ADAMTS16: variants seen among roughly 807,000 people sequenced by gnomAD.
The protein encoded by ADAMTS16 is A disintegrin and metalloproteinase with thrombospondin motifs 16.
Under a neutral mutation model 145.8 loss-of-function variants are expected in ADAMTS16, and 94 were observed. The ratio of observed to expected loss-of-function variants is 0.64; its 90% CI spans 0.55 to 0.77. The LOEUF (loss-of-function observed/expected upper bound fraction) is 0.77. Among genes scored for constraint, ADAMTS16 ranks in the 30% least tolerant of loss-of-function variants. The pLI, the probability that ADAMTS16 is intolerant of heterozygous loss-of-function variation, is 0.00. For missense variants in ADAMTS16, 1,585 were observed against 1,591.5 expected (o/e 1.00, Z 0.07); for synonymous variants, 659 against 604.3 (o/e 1.09, Z -1.33).
rs184605142 is a variant in ADAMTS16, at chr5:5,194,023, G to C, written c.1313+2233G>C. Among the ~76,000 whole-genome samples, 400 of 152,152 alleles carry C rather than the reference G, an allele frequency of 2.6e-3. 4 individuals are homozygous for C. Among genetic ancestry groups the C allele is most frequent in the African/African-American group, 8.9e-3 (370 of 41,494 alleles). On this transcript the variant is annotated intron_variant, in intron 8 of 22. Transcript: ENST00000274181. Reference sequence around the variant, plus strand: ...AGGCTGAGGTGGGAGAATCGCCTGAGCCCAGGAAGTCGAGGCTGCAGTCAG... The same window carrying C: ...AGGCTGAGGTGGGAGAATCGCCTGACCCCAGGAAGTCGAGGCTGCAGTCAG...
intron 10 of ADAMTS16, 59 bp from the exon 11 acceptor site, chr5:5,222,730 A>G: frequency 7.3e-7 from 1 of 1,368,324 alleles, no homozygotes; most frequent in East Asian, 2.3e-5. Context: ...TGATATTTTT[A>G]TTATAGATGA....
intron 13 of ADAMTS16, among the ~76,000 whole-genome samples, chr5:5,236,279 T>A (rs1439824160): frequency 6.7e-6 from 1 of 149,184 alleles, no homozygotes; most frequent in African/African-American, 2.5e-5. Flanking sequence ...AGATGAAATT[T>A]TCATCATTAA....
chr5:5,183,155 G>A (rs114415165), intron 4 of ADAMTS16, among the ~76,000 whole-genome samples: 47 of 152,244 alleles, frequency 3.1e-4, no homozygotes, highest in African/African-American at 1.0e-3. Context: ...AACCCCTTTC[G>A]TCCTACCCCT....
intron 3 of ADAMTS16, among the ~76,000 whole-genome samples, chr5:5,179,279 AC>A (rs1560936246): frequency 1.3e-5 from 2 of 151,640 alleles, no homozygotes; most frequent in Admixed American, 1.3e-4. Context: ...GTCCGCTGCA[AC>A]CTGCAGGGGA....
intron 17 of ADAMTS16, among the ~76,000 whole-genome samples, chr5:5,250,274 G>A (rs1424001875): frequency 1.3e-5 from 2 of 152,156 alleles, no homozygotes; most frequent in Non-Finnish European, 2.9e-5. Flanking sequence ...AGAAAAGCAA[G>A]AGTTTGAGAG....
chr5:5,311,309 A>C (rs1311985949), intron 21 of ADAMTS16, among the ~76,000 whole-genome samples: 12 of 145,748 alleles, frequency 8.2e-5, no homozygotes, highest in African/African-American at 2.4e-4. Flanking sequence ...GCAAAAAAAA[A>C]AAAAAAAACA....
At chr5:5,218,269 C>T (rs1326946881) in intron 10 of ADAMTS16, among the ~76,000 whole-genome samples, 1 of 152,088 alleles carries the variant, frequency 6.6e-6, no homozygotes, top group African/African-American at 2.4e-5. Context: ...AATGGTTGCA[C>T]ATATTTATGG....
rs1445280518 is a variant in ADAMTS16, at chr5:5,209,197, AGT to A, written c.1558_1559del (p.Trp520AlafsTer14). On this transcript the variant is annotated frameshift_variant, in exon 10 of 23. Coordinates refer to ENST00000274181, the MANE Select transcript of ADAMTS16 (RefSeq NM_139056.4). LOFTEE classifies it high-confidence loss of function. Reference sequence around the variant, plus strand: ...TTATATGATGCAAACACACAGTGCAAGTGGCAGTTCGGAGAGAAAGCCAAGCT... The same window carrying A: ...TTATATGATGCAAACACACAGTGCAAGGCAGTTCGGAGAGAAAGCCAAGCT... 6.2e-7 allele frequency: 1 copy of A among 1,614,088 alleles called. No individual in the cohort carries two copies. Among genetic ancestry groups the A allele is most frequent in the Non-Finnish European group, 8.5e-7 (1 of 1,179,920 alleles).
chr5:5,248,292 C>G (rs899217768), intron 17 of ADAMTS16, among the ~76,000 whole-genome samples: 1 of 152,138 alleles, frequency 6.6e-6, no homozygotes, highest in African/African-American at 2.4e-5. Flanking sequence ...TTCTAGACAG[C>G]CTGGCAAACA....
chr5:5,191,576 C>A (rs1477760731), intron 7 of ADAMTS16, 109 bp from the exon 8 acceptor site: 4 of 867,546 alleles, frequency 4.6e-6, no homozygotes, highest in African/African-American at 1.7e-5. Context: ...TTCATATTTT[C>A]CCATATGAAC....
At chr5:5,252,241 A>G (rs2913647) in intron 17 of ADAMTS16, among the ~76,000 whole-genome samples, 146,991 of 152,264 alleles carry the variant, frequency 0.97, 71,077 homozygotes, top group Non-Finnish European at 1. Flanking sequence ...CTCCAAACAC[A>G]TCCTGTGCAA....
chr5:5,193,263 T>C (rs1336418865), intron 8 of ADAMTS16, among the ~76,000 whole-genome samples: 1 of 152,158 alleles, frequency 6.6e-6, no homozygotes, highest in Non-Finnish European at 1.5e-5. Context: ...TTTAGCTGTG[T>C]GAACTGATGA....
intron 10 of ADAMTS16, among the ~76,000 whole-genome samples, chr5:5,215,880 A>G (rs1213136482): frequency 0.13 from 8,445 of 63,594 alleles, 502 homozygotes; most frequent in East Asian, 0.24. Context: ...GTATATATAT[A>G]TATATATATA....
At chr5:5,148,401 T>C (rs539798410) in intron 3 of ADAMTS16, among the ~76,000 whole-genome samples, 1 of 152,258 alleles carries the variant, frequency 6.6e-6, no homozygotes, top group Non-Finnish European at 1.5e-5. Flanking sequence ...ATGCTCTATA[T>C]TCCATTCTAT....
intron 3 of ADAMTS16, among the ~76,000 whole-genome samples, chr5:5,178,067 A>G (rs964781957): frequency 3.9e-5 from 6 of 152,230 alleles, no homozygotes; most frequent in African/African-American, 1.2e-4. Flanking sequence ...ACCAACTTTT[A>G]ATGATGAATG....
At chr5:5,256,718 A>G (rs79087048) in intron 17 of ADAMTS16, among the ~76,000 whole-genome samples, 4,813 of 152,336 alleles carry the variant, frequency 0.032, 121 homozygotes, top group Admixed American at 0.072. Context: ...AGAATCATCA[A>G]TGATCATAAA....
chr5:5,229,358 A>C (rs868577690), intron 11 of ADAMTS16, among the ~76,000 whole-genome samples: 19 of 152,002 alleles, frequency 1.2e-4, no homozygotes, highest in South Asian at 2.1e-4. Flanking sequence ...TGGGATAAAT[A>C]GAGAACGTTA....
chr5:5,201,837 G>T (rs1300216574), intron 9 of ADAMTS16, among the ~76,000 whole-genome samples: 2 of 152,150 alleles, frequency 1.3e-5, no homozygotes, highest in Non-Finnish European at 2.9e-5. Flanking sequence ...TATCCTATTA[G>T]ATCCTGTAGA....
Position 5,306,530 on chromosome 5 carries a change from A to C in ADAMTS16, c.3213A>C (p.Thr1071=). The part of the protein sequence containing the change: ...SQCSVTCERG[T]QKRFLKCAEK... ...GCTCTGTGACATGTGAAAGAGGAAC[A>C]CAGAAAAGATTCTTAAAATGTGCTG... The change falls in exon 21 of 23, where the codon ACA becomes ACC. Residue 1071 remains threonine, a synonymous_variant. Transcript: ENST00000274181. The C allele has an allele frequency of 6.2e-7, 1 of 1,613,962 alleles. No individual in the cohort carries two copies. The highest frequency in any genetic ancestry group is 8.5e-7 in the Non-Finnish European group (1 of 1,179,814).
Sources: gnomAD v4.1 joint callset for allele counts (sites outside exome capture counted in the v4.1 genomes callset) on GRCh38, gnomAD v4.1.1 for gene constraint, MANE v1.5 for transcripts, NCBI Gene and HGNC (gene_info 2026-07-23, HGNC 2026-07-21) for gene names.